The following TGIF2 variants were observed in gnomAD, a reference collection of about 807,000 sequenced individuals.
The protein encoded by TGIF2 is homeobox protein TGIF2.
In TGIF2, 5 loss-of-function variants were observed where a neutral mutation model predicts 15.1. That is an observed-to-expected ratio of 0.33 (90% confidence interval 0.17 to 0.70). TGIF2 has a LOEUF of 0.70. Ranked by LOEUF, TGIF2 falls within the 30% of genes least tolerant of loss-of-function variation. TGIF2 has a pLI of 0.67. For missense variants in TGIF2, 264 were observed against 302.5 expected (o/e 0.87, Z 0.94); for synonymous variants, 131 against 128.9 (o/e 1.02, Z -0.11).
chr20:36,574,104 G>A (rs2038359349), intron 1 of TGIF2, among the ~76,000 whole-genome samples: 1 of 151,478 alleles, frequency 6.6e-6, no homozygotes, highest in African/African-American at 2.4e-5. Flanking sequence ...AGTGCACGTT[G>A]CTAACCGCCA....
intron 1 of TGIF2, among the ~76,000 whole-genome samples, chr20:36,576,233 C>G (rs1405557924): frequency 6.6e-6 from 1 of 152,116 alleles, no homozygotes; most frequent in Non-Finnish European, 1.5e-5. Flanking sequence ...GGGACTCAAG[C>G]CCAGAAAGGG....
At chr20:36,578,648 G>A in intron 1 of TGIF2, 93 bp from the exon 2 acceptor site, 1 of 1,367,704 alleles carries the variant, frequency 7.3e-7, no homozygotes, top group Non-Finnish European at 9.8e-7. Context: ...CATTTCTGGT[G>A]TCCCAGGCTC....
intron 1 of TGIF2, chr20:36,574,476 C>T (rs926080560): frequency 6.6e-6 from 1 of 150,944 alleles, no homozygotes; most frequent in Middle Eastern, 3.4e-3. Context: ...GGAGCCCAGC[C>T]CCCTCCCCTC....
rs2038766027 is a variant in TGIF2 at position 36,591,331 on chromosome 20, C to T, written c.614C>T (p.Ala205Val). Residue 205 changes from alanine (A) to valine (V), a missense_variant, in exon 3 of 3, where the codon GCG becomes GTG. Physicochemically the swap from Ala to Val is moderately conservative, Grantham distance 64 (BLOSUM62 0). Transcript: ENST00000373872. This position sits in a 1 kb window ranked among gnomAD's most constrained non-coding sequence, Gnocchi z 5.3. ...AGCTTCCAGCTGCTGGTGGAGGTGG[C>T]GCTACAGAGGGCTGCTGAGATGGAG... ...FSSFQLLVEV[A>V]LQRAAEMELQ... The T allele has an allele frequency of 1.9e-6, 3 of 1,614,182 alleles. No homozygotes were observed. Among genetic ancestry groups the T allele is most frequent in the Non-Finnish European group, 2.5e-6 (3 of 1,180,030 alleles).
At chr20:36,585,330 T>C (rs1192728220) in intron 2 of TGIF2, among the ~76,000 whole-genome samples, 1 of 151,640 alleles carries the variant, frequency 6.6e-6, no homozygotes, top group Non-Finnish European at 1.5e-5. Flanking sequence ...AAACCCCGTC[T>C]CTACTAAAAA....
intron 2 of TGIF2, 132 bp downstream of exon 2, chr20:36,579,098 A>G: frequency 4.1e-6 from 5 of 1,233,984 alleles, no homozygotes; most frequent in Non-Finnish European, 5.5e-6. Flanking sequence ...TTCTTGGGTT[A>G]GGGGAGAACA....
Position 36,591,612 on chromosome 20 carries a change from CCTCTGCTGA to C in TGIF2, c.*188_*196del, listed in dbSNP as rs758393108. ...CACTGCACTGTGATGGGGGCCCTCT[CCTCTGCTGA>C]CTCTGCCGTTTCTCCAGGCCTCCGC... On this transcript the variant is annotated 3_prime_UTR_variant, in exon 3 of 3. Transcript: ENST00000373872. The surrounding 1 kb of genome is among the most constrained non-coding windows in gnomAD (Gnocchi z 5.3). The C allele has an allele frequency of 1.6e-6, 1 of 626,358 alleles. No homozygotes were observed. Among genetic ancestry groups the C allele is most frequent in the African/African-American group, 1.8e-5 (1 of 54,764 alleles). The allele number at this position is 626,358 out of a possible 1,614,324, so 38.8% of individuals were successfully genotyped here.
At chr20:36,588,787 C>G (rs2038712352) in intron 2 of TGIF2, among the ~76,000 whole-genome samples, 1 of 152,204 alleles carries the variant, frequency 6.6e-6, no homozygotes, top group East Asian at 1.9e-4. Context: ...GGAATAGATG[C>G]AGCTGCAGTT....
chr20:36,587,962 C>T (rs1405303419), intron 2 of TGIF2, among the ~76,000 whole-genome samples: 2 of 151,630 alleles, frequency 1.3e-5, no homozygotes, highest in African/African-American at 2.4e-5. Context: ...CCCAGCTACT[C>T]GGGAGGCTGA....
intron 2 of TGIF2, among the ~76,000 whole-genome samples, chr20:36,586,054 G>C (rs931026871): frequency 1.2e-4 from 19 of 152,200 alleles, no homozygotes; most frequent in African/African-American, 4.1e-4. Flanking sequence ...GGTCAGCTGT[G>C]GGGGAGGAGT....
intron 2 of TGIF2, among the ~76,000 whole-genome samples, chr20:36,588,517 C>T (rs1016293930): frequency 6.6e-6 from 1 of 152,036 alleles, no homozygotes; most frequent in Non-Finnish European, 1.5e-5. Flanking sequence ...CATGCCACCA[C>T]ACCCTGCTAA....
At chr20:36,590,844 C>A in intron 2 of TGIF2, 66 bp from the exon 3 acceptor site, 1 of 1,474,076 alleles carries the variant, frequency 6.8e-7, no homozygotes, top group East Asian at 2.3e-5. Context: ...CAGGTGTGAG[C>A]CACTGTGCCC....
chr20:36,580,849 G>T (rs1223954716), intron 2 of TGIF2, among the ~76,000 whole-genome samples: 1 of 144,804 alleles, frequency 6.9e-6, no homozygotes, highest in African/African-American at 2.6e-5. Context: ...ACAAGGCCAG[G>T]CACGGTGGCT....
chr20:36,590,212 C>T (rs1175170614), intron 2 of TGIF2, among the ~76,000 whole-genome samples: 2 of 152,218 alleles, frequency 1.3e-5, no homozygotes, highest in Non-Finnish European at 2.9e-5. Flanking sequence ...CCACCTCGGC[C>T]TCCCAAAGTG....
rs112821778 is a variant in TGIF2 at position 36,577,004 on chromosome 20, A to ATT, written c.-34-1728_-34-1727dup. Among the ~76,000 whole-genome samples the ATT allele has an allele frequency of 8.0e-4, 119 of 148,284 alleles. 1 individual carries two copies. Among genetic ancestry groups the ATT allele is most frequent in the African/African-American group, 2.9e-3 (117 of 40,404 alleles). ...ATAGGTGTGAGCCACAGCACGTGGC[A>ATT]TTTTTTTTTTATTATTTTATTTTTG... On this transcript the variant is annotated intron_variant, in intron 1 of 2. Coordinates refer to ENST00000373872, the MANE Select transcript of TGIF2 (RefSeq NM_021809.7).
intron 1 of TGIF2, among the ~76,000 whole-genome samples, 169 bp from the exon 2 acceptor site, chr20:36,578,572 T>C (rs2038478536): frequency 6.6e-6 from 1 of 152,186 alleles, no homozygotes; most frequent in African/African-American, 2.4e-5. Flanking sequence ...TGGAGGAACT[T>C]TGGACTCATC....
chr20:36,591,992 G>C lies in TGIF2; in HGVS notation c.*561G>C, dbSNP rs560061704. 6.5e-6 allele frequency: 1 copy of C among 153,652 alleles called. No individual in the cohort carries two copies. The highest frequency in any genetic ancestry group is 2.4e-5 in the African/African-American group (1 of 41,442). 9.5% of individuals were successfully genotyped at this position (153,652 alleles called of 1,614,324 possible). A position where few individuals can be genotyped will look rare whatever the true frequency, so the allele number is the denominator to read the frequency against. ...AGTAGTTAGCCCAGGTGTGGGGAACGAGAGTGCACTGCATGATAGCGTTCT... is the reference window on the plus strand; with the variant it reads ...AGTAGTTAGCCCAGGTGTGGGGAACCAGAGTGCACTGCATGATAGCGTTCT... On this transcript the variant is annotated 3_prime_UTR_variant, in exon 3 of 3. Transcript: ENST00000373872. This position sits in a 1 kb window ranked among gnomAD's most constrained non-coding sequence, Gnocchi z 5.3.
Position 36,593,934 on chromosome 20 carries a change from G to GT in TGIF2, c.*2510dup, listed in dbSNP as rs1423952335. 2.0e-5 allele frequency: 3 copies of GT among 151,692 alleles called. No individual in the cohort carries two copies. The highest frequency in any genetic ancestry group is 2.1e-4 in the South Asian group (1 of 4,802). The allele number at this position is 151,692 out of a possible 1,614,324, so 9.4% of individuals were successfully genotyped here. On this transcript the variant is annotated 3_prime_UTR_variant, in exon 3 of 3. Transcript: ENST00000373872. The stretch of plus-strand genomic sequence containing the variant: ...CTTTTGTCAAATAAAATTTTTTTTT[G>GT]TTTTTTTAAGCAGAAACAGGGTTCT...
intron 1 of TGIF2, 102 bp from the exon 2 acceptor site, chr20:36,578,639 A>G: frequency 7.6e-7 from 1 of 1,316,006 alleles, no homozygotes; most frequent in South Asian, 1.5e-5. Context: ...CAACTACCCC[A>G]TTTCTGGTGT....
Sources: gnomAD v4.1 joint callset for allele counts (sites outside exome capture counted in the v4.1 genomes callset) on GRCh38, gnomAD v4.1.1 for gene constraint, Gnocchi (gnomAD v3.1) non-coding constraint, MANE v1.5 for transcripts, NCBI Gene and HGNC (gene_info 2026-07-23, HGNC 2026-07-21) for gene names.